The following GRID2 variants were observed in gnomAD, a reference collection of about 807,000 sequenced individuals.
GRID2 encodes the protein glutamate receptor ionotropic, delta-2.
GRID2 carries 33 observed loss-of-function variants against 114.8 expected under a neutral mutation model. The ratio of observed to expected loss-of-function variants is 0.29; its 90% CI spans 0.22 to 0.38. The LOEUF (loss-of-function observed/expected upper bound fraction) is 0.38, where lower values mean the gene tolerates loss of function less well. Ranked by LOEUF, GRID2 falls within the 10% of genes least tolerant of loss-of-function variation. GRID2 has a pLI of 1.00. For synonymous variants in GRID2, 505 were observed against 449.9 expected (o/e 1.12, Z -1.55); for missense variants, 1,184 against 1,257.7 (o/e 0.94, Z 0.89).
chr4:92,783,469 G>A (rs752836770), intron 2 of GRID2, among the ~76,000 whole-genome samples: 5 of 152,036 alleles, frequency 3.3e-5, no homozygotes, highest in African/African-American at 1.2e-4. Flanking sequence ...TAGTAAAAGT[G>A]TCTGAATTTT....
intron 13 of GRID2, among the ~76,000 whole-genome samples, chr4:93,585,123 C>T (rs1737397298): frequency 6.6e-6 from 1 of 152,128 alleles, no homozygotes; most frequent in Non-Finnish European, 1.5e-5. Flanking sequence ...ATTACCAGTC[C>T]ACTTTTGCTT....
chr4:93,174,841 T>C (rs1401691071), intron 4 of GRID2, among the ~76,000 whole-genome samples: 2 of 152,160 alleles, frequency 1.3e-5, no homozygotes, highest in Non-Finnish European at 2.9e-5. Context: ...ATACATGGCA[T>C]GAATATACCA....
At chr4:92,832,631 T>C (rs1320732868) in intron 2 of GRID2, among the ~76,000 whole-genome samples, 1 of 152,058 alleles carries the variant, frequency 6.6e-6, no homozygotes, top group African/African-American at 2.4e-5. Context: ...CGACCTCAGG[T>C]GATCCACCCA....
At chr4:92,530,989 T>C (rs1239108789) in intron 1 of GRID2, among the ~76,000 whole-genome samples, 1 of 152,102 alleles carries the variant, frequency 6.6e-6, no homozygotes, top group South Asian at 2.1e-4. Flanking sequence ...AGATTTATTG[T>C]TAATTTTATT....
intron 2 of GRID2, among the ~76,000 whole-genome samples, chr4:92,989,335 T>C (rs1185672655): frequency 6.7e-6 from 1 of 149,934 alleles, no homozygotes; most frequent in Non-Finnish European, 1.5e-5. Flanking sequence ...ATTTTATATG[T>C]GTGTGCATGT....
At chr4:93,227,732 C>T (rs978025621) in intron 7 of GRID2, among the ~76,000 whole-genome samples, 2 of 152,186 alleles carry the variant, frequency 1.3e-5, no homozygotes, top group African/African-American at 4.8e-5. Flanking sequence ...TAGTTCATTG[C>T]CCCTAAGTTC....
chr4:93,066,567 A>G (rs555260463), intron 2 of GRID2, among the ~76,000 whole-genome samples: 1 of 151,974 alleles, frequency 6.6e-6, no homozygotes, highest in South Asian at 2.1e-4. Flanking sequence ...GAAACTATAG[A>G]TAATACTGTA....
At chr4:93,694,515 C>G (rs975455077) in intron 14 of GRID2, among the ~76,000 whole-genome samples, 1 of 152,192 alleles carries the variant, frequency 6.6e-6, no homozygotes, top group Non-Finnish European at 1.5e-5. Context: ...ACTGATGTCT[C>G]TTTCCATTGC....
chr4:93,753,777 A>G (rs1180083018), intron 14 of GRID2, among the ~76,000 whole-genome samples: 36 of 152,162 alleles, frequency 2.4e-4, no homozygotes, highest in Admixed American at 2.4e-3. Flanking sequence ...AGTCTTTGCT[A>G]TCGTGAATAG....
At chr4:93,803,869 A>T (rs1734982364) in intron 1 of GRID2, among the ~76,000 whole-genome samples, 1 of 152,254 alleles carries the variant, frequency 6.6e-6, no homozygotes, top group African/African-American at 2.4e-5. Context: ...GAAAAAGCAG[A>T]CAAAAGACTT....
At chr4:92,353,721 C>T (rs540866022) in intron 1 of GRID2, among the ~76,000 whole-genome samples, 18 of 152,130 alleles carry the variant, frequency 1.2e-4, no homozygotes, top group East Asian at 3.9e-4. Flanking sequence ...CCTCCTTCAA[C>T]GCTTAACCAG....
intron 2 of GRID2, among the ~76,000 whole-genome samples, chr4:92,708,573 T>C (rs1735062508): frequency 6.6e-6 from 1 of 152,174 alleles, no homozygotes; most frequent in African/African-American, 2.4e-5. Context: ...GCAATAAAAA[T>C]TGTGTCTAAT....
intron 10 of GRID2, among the ~76,000 whole-genome samples, chr4:93,431,633 G>A (rs1214773004): frequency 6.6e-6 from 1 of 152,094 alleles, no homozygotes; most frequent in Non-Finnish European, 1.5e-5. Flanking sequence ...ATGTGAAAAG[G>A]TGAAAATGAC....
intron 2 of GRID2, among the ~76,000 whole-genome samples, chr4:92,826,753 T>A (rs1741732894): frequency 6.6e-6 from 1 of 152,152 alleles, no homozygotes; most frequent in East Asian, 1.9e-4. Flanking sequence ...CAAAACCTTA[T>A]ATTGATTTGC....
At chr4:93,569,863 G>A (rs541407772) in intron 13 of GRID2, among the ~76,000 whole-genome samples, 25 of 152,028 alleles carry the variant, frequency 1.6e-4, no homozygotes, top group Non-Finnish European at 1.9e-4. Context: ...CTGACTACCC[G>A]ATCTAACATA....
chr4:93,341,327 A>G (rs1258137906), intron 8 of GRID2, among the ~76,000 whole-genome samples: 2 of 146,894 alleles, frequency 1.4e-5, no homozygotes, highest in South Asian at 2.1e-4. Flanking sequence ...TCCTTCTACT[A>G]TTTTTTTTTT....
At chr4:92,951,281 A>G (rs1397030566) in intron 2 of GRID2, among the ~76,000 whole-genome samples, 1 of 151,966 alleles carries the variant, frequency 6.6e-6, no homozygotes, top group Non-Finnish European at 1.5e-5. Flanking sequence ...GAACTTAACA[A>G]TAGATTTTAT....
At chr4:92,574,873 G>T (rs1226855715) in intron 1 of GRID2, among the ~76,000 whole-genome samples, 1 of 152,106 alleles carries the variant, frequency 6.6e-6, no homozygotes, top group East Asian at 1.9e-4. Flanking sequence ...GGCCTTTCTT[G>T]CTAGGTTGGG....
chr4:93,617,531 C>T (rs1408818883), intron 13 of GRID2, among the ~76,000 whole-genome samples: 1 of 152,124 alleles, frequency 6.6e-6, no homozygotes, highest in Non-Finnish European at 1.5e-5. Flanking sequence ...CCTCCCTGAT[C>T]CAGTTATTTC....
Sources: allele counts gnomAD v4.1 joint callset (sites outside exome capture counted in the v4.1 genomes callset), GRCh38; gene constraint gnomAD v4.1.1; transcripts MANE v1.5; gene names NCBI Gene and HGNC (gene_info 2026-07-23, HGNC 2026-07-21).